The following FBXO31 variants were observed in gnomAD, a reference collection of about 807,000 sequenced individuals.
The protein encoded by FBXO31 is F-box only protein 31.
In FBXO31, 24 loss-of-function variants were observed where a neutral mutation model predicts 54.4. The ratio of observed to expected loss-of-function variants is 0.44; its 90% CI spans 0.32 to 0.62. FBXO31 has a LOEUF of 0.62. FBXO31 is among the 20% of genes least tolerant of loss of function. FBXO31 has a pLI of 0.05. For synonymous variants in FBXO31, 388 were observed against 335.6 expected (o/e 1.16, Z -1.71); for missense variants, 665 against 787.1 (o/e 0.84, Z 1.86).
At chr16:87,340,511 C>T (rs191615231) in intron 5 of FBXO31, among the ~76,000 whole-genome samples, 3 of 152,344 alleles carry the variant, frequency 2.0e-5, no homozygotes, top group Non-Finnish European at 2.9e-5. Flanking sequence ...TTACATTTCA[C>T]ATCAGAATAG....
chr16:87,332,579 A>C (rs1368522796), intron 8 of FBXO31, among the ~76,000 whole-genome samples: 1 of 151,654 alleles, frequency 6.6e-6, no homozygotes, highest in African/African-American at 2.4e-5. Context: ...TAAACCCCCC[A>C]GTCACCGTTA....
At chr16:87,343,079 A>G in intron 4 of FBXO31, 128 bp from the exon 5 acceptor site, 1 of 707,152 alleles carries the variant, frequency 1.4e-6, no homozygotes, top group East Asian at 2.8e-5. Flanking sequence ...CAGGCACCCA[A>G]GATGCGACCA....
intron 5 of FBXO31, among the ~76,000 whole-genome samples, chr16:87,341,893 C>A (rs1345808764): frequency 6.6e-6 from 1 of 151,988 alleles, no homozygotes; most frequent in Non-Finnish European, 1.5e-5. Flanking sequence ...GATGGGGAAA[C>A]CACCACAACT....
chr16:87,341,087 C>G (rs987001396), intron 5 of FBXO31, among the ~76,000 whole-genome samples: 1 of 152,076 alleles, frequency 6.6e-6, no homozygotes, highest in East Asian at 1.9e-4. Flanking sequence ...AACATAAACT[C>G]CCCCCATCAA....
chr16:87,371,456 C>T lies in FBXO31; in HGVS notation c.341-11090G>A, dbSNP rs189780381. Among the ~76,000 whole-genome samples the T allele has an allele frequency of 2.0e-5, 3 of 152,386 alleles. No homozygotes were observed. In the South Asian group the frequency reaches 6.2e-4, roughly 32 times the overall value. On this transcript the variant is annotated intron_variant, in intron 1 of 8. Coordinates refer to ENST00000311635, the MANE Select transcript of FBXO31 (RefSeq NM_024735.5). ...TCACGACCCTTCTGTGAGTCTGACTCTACAATCCTATCACCCAGGACCTTC... is the reference window on the plus strand; with the variant it reads ...TCACGACCCTTCTGTGAGTCTGACTTTACAATCCTATCACCCAGGACCTTC...
chr16:87,353,853 A>C (rs907181770), intron 2 of FBXO31, among the ~76,000 whole-genome samples: 11 of 152,172 alleles, frequency 7.2e-5, no homozygotes, highest in Admixed American at 7.2e-4. Flanking sequence ...GCCTGTGAGA[A>C]AGTGGGTTTC....
Position 87,346,511 on chromosome 16 carries a change from C to G in FBXO31, c.489+663G>C, listed in dbSNP as rs558086674. 3.6e-4 allele frequency among the ~76,000 whole-genome samples: 55 copies of G among 152,362 alleles called. No homozygotes were observed. Among genetic ancestry groups the G allele is most frequent in the African/African-American group, 1.3e-3 (54 of 41,588 alleles). On this transcript the variant is annotated intron_variant, in intron 3 of 8. Coordinates refer to ENST00000311635, the MANE Select transcript of FBXO31 (RefSeq NM_024735.5). This position sits in a 1 kb window ranked among gnomAD's most constrained non-coding sequence, Gnocchi z 4.2. ...GATCAAGTACCCAGGACTAGACAGG[C>G]ACTGCCATGGCAGACCCAACGAACA...
At chr16:87,356,891 T>G (rs1905915617) in intron 2 of FBXO31, among the ~76,000 whole-genome samples, 1 of 152,074 alleles carries the variant, frequency 6.6e-6, no homozygotes, top group Non-Finnish European at 1.5e-5. Flanking sequence ...GTGTTTTCAA[T>G]CTCTTTCTGG....
intron 1 of FBXO31, among the ~76,000 whole-genome samples, chr16:87,365,023 A>ATC (rs1906300232): frequency 9.8e-6 from 1 of 101,524 alleles, no homozygotes; most frequent in Non-Finnish European, 2.0e-5. Context: ...ATATATATAT[A>ATC]TATATATATA....
At chr16:87,371,152 G>C (rs1003511539) in intron 1 of FBXO31, among the ~76,000 whole-genome samples, 14 of 152,200 alleles carry the variant, frequency 9.2e-5, no homozygotes, top group African/African-American at 2.7e-4. Context: ...CAGCCCCCAG[G>C]CATCTCCTAT....
chr16:87,341,168 T>G (rs1461582057), intron 5 of FBXO31, among the ~76,000 whole-genome samples: 1 of 152,218 alleles, frequency 6.6e-6, no homozygotes, highest in Non-Finnish European at 1.5e-5. Context: ...GAGCACATGT[T>G]GTTATATTTA....
intron 1 of FBXO31, among the ~76,000 whole-genome samples, chr16:87,378,299 T>G (rs149102232): frequency 2.4e-4 from 37 of 152,302 alleles, no homozygotes; most frequent in African/African-American, 8.4e-4. Flanking sequence ...TTTTTAAATG[T>G]GCACCCTCAC....
chr16:87,334,698 G>A (rs1047989637), intron 7 of FBXO31, among the ~76,000 whole-genome samples: 1 of 152,254 alleles, frequency 6.6e-6, no homozygotes, highest in African/African-American at 2.4e-5. Context: ...TATGCCAGAT[G>A]TGGCCCTGAT....
At chr16:87,350,948 CG>C (rs1015988472) in intron 2 of FBXO31, among the ~76,000 whole-genome samples, 9 of 152,352 alleles carry the variant, frequency 5.9e-5, no homozygotes, top group Admixed American at 5.2e-4. Flanking sequence ...TGAAGCTCTG[CG>C]TGTTGGTCAA....
At chr16:87,375,741 C>T (rs1174215316) in intron 1 of FBXO31, among the ~76,000 whole-genome samples, 1 of 152,172 alleles carries the variant, frequency 6.6e-6, no homozygotes, top group African/African-American at 2.4e-5. Context: ...GCCCTGCAGG[C>T]TGGAGTGAGT....
intron 1 of FBXO31, among the ~76,000 whole-genome samples, chr16:87,361,027 C>T (rs1375167179): frequency 1.3e-5 from 2 of 152,220 alleles, no homozygotes; most frequent in African/African-American, 4.8e-5. Flanking sequence ...CAACACCCAG[C>T]ACGTCCCAAG....
At chr16:87,353,612 G>A (rs980631644) in intron 2 of FBXO31, among the ~76,000 whole-genome samples, 3 of 152,262 alleles carry the variant, frequency 2.0e-5, no homozygotes, top group Admixed American at 1.3e-4. Flanking sequence ...AGGAGGCTCC[G>A]CAAGAGCCTT....
At chr16:87,380,698 C>G (rs1218278574) in intron 1 of FBXO31, among the ~76,000 whole-genome samples, 1 of 152,202 alleles carries the variant, frequency 6.6e-6, no homozygotes, top group African/African-American at 2.4e-5. Context: ...TAGCAGGTCA[C>G]TTGGGTGAAC....
intron 1 of FBXO31, among the ~76,000 whole-genome samples, chr16:87,382,004 G>A (rs1234660975): frequency 1.3e-5 from 2 of 151,498 alleles, no homozygotes; most frequent in African/African-American, 2.4e-5. Flanking sequence ...CAGCCTGGGT[G>A]ACAGAGTGAG....
Sources: allele counts gnomAD v4.1 joint callset (sites outside exome capture counted in the v4.1 genomes callset), GRCh38; gene constraint gnomAD v4.1.1; non-coding constraint Gnocchi (gnomAD v3.1); transcripts MANE v1.5; gene names NCBI Gene and HGNC (gene_info 2026-07-23, HGNC 2026-07-21).